Variants in VWCE observed in about 807,000 individuals in gnomAD.
The protein encoded by VWCE is von Willebrand factor C and EGF domains, also known as von Willebrand factor C and EGF domain-containing protein.
In VWCE, 68 loss-of-function variants were observed where a neutral mutation model predicts 102.9. The ratio of observed to expected loss-of-function variants is 0.66; its 90% CI spans 0.54 to 0.81. The LOEUF (loss-of-function observed/expected upper bound fraction) is 0.81. VWCE is among the 30% of genes least tolerant of loss of function. The probability of loss-of-function intolerance (pLI) is 0.00; values close to 1 mark genes in which losing one functional copy is unlikely to be tolerated. For synonymous variants in VWCE, 497 were observed against 515.4 expected (o/e 0.96, Z 0.48); for missense variants, 1,137 against 1,263.6 (o/e 0.90, Z 1.52).
At chr11:61,265,072 G>A (rs1331445920) in intron 17 of VWCE, 34 bp from the exon 18 acceptor site, 10 of 1,614,048 alleles carry the variant, frequency 6.2e-6, no homozygotes, top group South Asian at 1.1e-5. Flanking sequence ...GCCCATGAGA[G>A]CCGAGGCCTG....
In VWCE at chr11:61,290,870, C is replaced by T. The variant is rs1855482293; in HGVS notation, c.353G>A (p.Cys118Tyr). The change falls in exon 4 of 20, where the codon TGT (cysteine) becomes TAT (tyrosine). Residue 118 changes from cysteine (C) to tyrosine (Y), a missense_variant. Cys to Tyr is a radical substitution (Grantham distance 194). Transcript: ENST00000335613. ...GGGGCACACTCGGGCCACCTCCTGA[C>T]AGCCTCCATGGTTGCAGGTAAGGTC... ...GCDLTCNHGG[C>Y]QEVARVCPVG... 6.2e-7 allele frequency: 1 copy of T among 1,613,904 alleles called. No homozygotes were observed. Among genetic ancestry groups the T allele is most frequent in the Non-Finnish European group, 8.5e-7 (1 of 1,180,020 alleles).
At chr11:61,270,760 G>T (rs1336744355) in intron 14 of VWCE, among the ~76,000 whole-genome samples, 2 of 151,450 alleles carry the variant, frequency 1.3e-5, no homozygotes, top group Non-Finnish European at 2.9e-5. Context: ...AACCTTCTAT[G>T]AAGATTCCTA....
intron 14 of VWCE, among the ~76,000 whole-genome samples, chr11:61,270,903 C>T (rs1854672739): frequency 6.6e-6 from 1 of 151,100 alleles, no homozygotes; most frequent in Admixed American, 6.6e-5. Flanking sequence ...TCACGGCTCA[C>T]TGCAGCCTCG....
At chr11:61,277,755 C>A (rs1044179985) in intron 10 of VWCE, among the ~76,000 whole-genome samples, 5 of 152,208 alleles carry the variant, frequency 3.3e-5, no homozygotes, top group Middle Eastern at 3.4e-3. Flanking sequence ...AAGCTGACCC[C>A]GAAGAGCTGC....
intron 14 of VWCE, chr11:61,271,385 TCCACC>T: frequency 3.2e-6 from 1 of 310,618 alleles, no homozygotes; most frequent in Non-Finnish European, 6.4e-6. Context: ...GACCTTGTGA[TCCACC>T]CACCTCGGCC....
intron 13 of VWCE, among the ~76,000 whole-genome samples, chr11:61,272,165 C>A (rs1241382735): frequency 6.6e-6 from 1 of 150,714 alleles, no homozygotes; most frequent in African/African-American, 2.5e-5. Context: ...TACATACACA[C>A]ACAGATACAA....
rs1032298776 is a variant in VWCE, at chr11:61,281,717, G to T, written c.787+69C>A. On this transcript the variant is annotated intron_variant, in intron 7 of 19. Transcript: ENST00000335613. The stretch of plus-strand genomic sequence containing the variant: ...GTGACGGGGAGGGGCCAGGCTATGG[G>T]GGGGCGTAGCTGGGGCAGGCACTGA... 3.3e-6 allele frequency: 5 copies of T among 1,532,164 alleles called. No individual in the cohort carries two copies. In the South Asian group the frequency reaches 5.1e-5, roughly 16 times the overall value. 94.9% of individuals were successfully genotyped at this position (1,532,164 alleles called of 1,614,324 possible). A position where few individuals can be genotyped will look rare whatever the true frequency, so the allele number is the denominator to read the frequency against.
chr11:61,281,904 CTCGTTTACA>C lies in VWCE; in HGVS notation c.660_668del (p.Asp220_Asn222del). 6.2e-7 allele frequency: 1 copy of C among 1,613,528 alleles called. No individual in the cohort carries two copies. Among genetic ancestry groups the C allele is most frequent in the Non-Finnish European group, 8.5e-7 (1 of 1,179,690 alleles). On this transcript the variant is annotated inframe_deletion and splice_region_variant, in exon 7 of 20. Transcript: ENST00000335613. Reference sequence around the variant, plus strand: ...CTCGCCTCTCCAATGGCCTCCGACACTCGTTTACATCTGCGGGAGAGCCTCGCTGCGGAC... The same window carrying C: ...CTCGCCTCTCCAATGGCCTCCGACACTCTGCGGGAGAGCCTCGCTGCGGAC...
rs150396966 is a variant in VWCE at position 61,265,125 on chromosome 11, G to A, written c.2053C>T (p.Arg685Ter). Residue 685 changes from arginine (R) to a stop codon, truncating the protein, a stop_gained, in exon 17 of 20, where the codon CGA becomes TGA. Transcript: ENST00000335613. LOFTEE classifies it high-confidence loss of function. ...TGGGGCAGCTGGTCCCACTCACCTC[G>A]GCACACGGGGCAGCACTCCCCGTCA... ...HPDGECCPVC[R>*]DCNYEGRKVA... The A allele has an allele frequency of 1.1e-5, 17 of 1,606,526 alleles. No homozygotes were observed. The highest frequency in any genetic ancestry group is 2.7e-5 in the African/African-American group (2 of 74,792).
intron 15 of VWCE, among the ~76,000 whole-genome samples, chr11:61,268,123 A>AT (rs1180334260): frequency 6.6e-6 from 1 of 150,432 alleles, no homozygotes; most frequent in Non-Finnish European, 1.5e-5. Context: ...TATATATATT[A>AT]TATATATAAT....
At chr11:61,275,965 G>A (rs1854891431) in intron 11 of VWCE, among the ~76,000 whole-genome samples, 2 of 152,192 alleles carry the variant, frequency 1.3e-5, no homozygotes, top group African/African-American at 4.8e-5. Context: ...TCAAACTGCT[G>A]TGCACATAAG....
intron 9 of VWCE, among the ~76,000 whole-genome samples, chr11:61,280,339 C>T (rs896452855): frequency 1.3e-5 from 2 of 152,068 alleles, no homozygotes; most frequent in African/African-American, 2.4e-5. Context: ...GATGAAAAGT[C>T]CCCCTTGAGG....
Position 61,284,013 on chromosome 11 carries a change from T to C in VWCE, c.542-1108A>G, listed in dbSNP as rs181020483. Among the ~76,000 whole-genome samples the C allele has an allele frequency of 1.9e-4, 29 of 152,256 alleles. No individual in the cohort carries two copies. In the East Asian group the frequency reaches 3.5e-3, roughly 18 times the overall value. On this transcript the variant is annotated intron_variant, in intron 5 of 19. Coordinates refer to ENST00000335613, the MANE Select transcript of VWCE (RefSeq NM_152718.2). ...CTATTTACCCTGATGTGGAAACATC[T>C]TCAAGACCAACGTTGGGCAGGGGTA...
At chr11:61,269,640 T>A (rs1854616654) in intron 14 of VWCE, among the ~76,000 whole-genome samples, 1 of 151,782 alleles carries the variant, frequency 6.6e-6, no homozygotes, top group Non-Finnish European at 1.5e-5. Context: ...GAGATGGGGT[T>A]TCACCATGTT....
At position 61,280,676 on chromosome 11, in the gene VWCE, A is replaced by G; in HGVS notation, c.1272T>C (p.Ala424=). The G allele has an allele frequency of 6.2e-7, 1 of 1,614,052 alleles. No homozygotes were observed. Among genetic ancestry groups the G allele is most frequent in the Non-Finnish European group, 8.5e-7 (1 of 1,180,010 alleles). ...CTCTGGAGGGAATTGGGTGGGAACAAGCAGCTTCACACCTCACCTTTTCAC... is the reference window on the plus strand; with the variant it reads ...CTCTGGAGGGAATTGGGTGGGAACAGGCAGCTTCACACCTCACCTTTTCAC... ...VTCEKVRCEA[A]CSHPIPSRDG... is the part of the protein sequence containing the mutation. The change falls in exon 9 of 20, where the codon GCT becomes GCC. Residue 424 remains alanine (A), a synonymous_variant. Coordinates refer to ENST00000335613, the MANE Select transcript of VWCE (RefSeq NM_152718.2).
chr11:61,277,239 G>T (rs1854956710), intron 10 of VWCE, among the ~76,000 whole-genome samples: 1 of 151,630 alleles, frequency 6.6e-6, no homozygotes, highest in Non-Finnish European at 1.5e-5. Flanking sequence ...GTTCGATAAG[G>T]GGTGCTGGTG....
chr11:61,277,232 C>T (rs11230656), intron 10 of VWCE, among the ~76,000 whole-genome samples: 28 of 151,116 alleles, frequency 1.9e-4, no homozygotes, highest in Admixed American at 1.6e-3. Flanking sequence ...AGGAAGAGTT[C>T]GATAAGGGGT....
chr11:61,278,575 T>C (rs768657291), intron 9 of VWCE, 99 bp from the exon 10 acceptor site: 49 of 1,105,834 alleles, frequency 4.4e-5, no homozygotes, highest in Non-Finnish European at 6.6e-5. Flanking sequence ...CCTGGAACAT[T>C]CTCTCACTGC....
At chr11:61,281,613 G>A (rs554075278) in intron 7 of VWCE, among the ~76,000 whole-genome samples, 173 bp downstream of exon 7, 8 of 152,300 alleles carry the variant, frequency 5.3e-5, no homozygotes, top group Admixed American at 2.6e-4. Context: ...GAGCAGAAAG[G>A]GAGCCTAGCG....
Sources: gnomAD v4.1 joint callset for allele counts (sites outside exome capture counted in the v4.1 genomes callset) on GRCh38, gnomAD v4.1.1 for gene constraint, MANE v1.5 for transcripts, NCBI Gene and HGNC (gene_info 2026-07-23, HGNC 2026-07-21) for gene names.